The following RSPH10B variants were observed in gnomAD, a reference collection of about 807,000 sequenced individuals.
RSPH10B encodes the protein radial spoke head 10 homolog B (Chlamydomonas).
A neutral mutation model predicts 52.5 loss-of-function variants in RSPH10B; 7 were observed. The observed-to-expected ratio is 0.13, with a 90% confidence interval of 0.08 to 0.25. RSPH10B has a LOEUF of 0.25. RSPH10B is among the 10% of genes least tolerant of loss of function. The pLI is 1.00. For missense variants in RSPH10B, 89 were observed against 542.5 expected, an observed-to-expected ratio of 0.16 and a Z score of 8.30; for synonymous variants, 28 against 193.2, an observed-to-expected ratio of 0.14 and a Z score of 7.09.
At chr7:5,927,084 G>GTATA (rs1164900886) in intron 18 of RSPH10B, among the ~76,000 whole-genome samples, 14 of 106,582 alleles carry the variant, frequency 1.3e-4, no homozygotes, top group African/African-American at 2.3e-4. Context: ...GTGTGTGTGT[G>GTATA]TGTGTGTGTG....
At chr7:5,928,459 C>A (rs534960566) in intron 17 of RSPH10B, 65 bp from the exon 20 acceptor site, 2 of 1,581,268 alleles carry the variant, frequency 1.3e-6, no homozygotes, top group African/African-American at 2.7e-5. Flanking sequence ...GGTCTGCGTG[C>A]TTTTTCTCGT....
chr7:5,944,477 T>C (rs1780386652), intron 11 of RSPH10B, among the ~76,000 whole-genome samples: 2 of 149,990 alleles, frequency 1.3e-5, no homozygotes, highest in Admixed American at 6.7e-5. Flanking sequence ...CAAGAAATTC[T>C]GACATAAGAA....
chr7:5,931,269 A>G (rs1285890452), intron 17 of RSPH10B, among the ~76,000 whole-genome samples: 1 of 150,032 alleles, frequency 6.7e-6, no homozygotes, highest in Non-Finnish European at 1.5e-5. Context: ...TATGCAGCAC[A>G]TGTGTGCCGA....
At chr7:5,960,461 C>T (rs1286147224) in intron 4 of RSPH10B, among the ~76,000 whole-genome samples, 1 of 56,684 alleles carries the variant, frequency 1.8e-5, no homozygotes, top group East Asian at 3.0e-4. Flanking sequence ...ATGTGAATTT[C>T]GCCTCAATAA....
chr7:5,926,672 CTG>C lies in RSPH10B; in HGVS notation c.2433-126_2433-125del, dbSNP rs552573913. 5.0e-3 allele frequency: 2,902 copies of C among 583,956 alleles called. 6 individuals carry two copies. The highest frequency in any genetic ancestry group is 7.3e-3 in the Non-Finnish European group (2,429 of 332,058). The allele number at this position is 583,956 out of a possible 1,614,324, so 36.2% of individuals were successfully genotyped here. A position where few individuals can be genotyped will look rare whatever the true frequency, so the allele number is the denominator to read the frequency against. Reference sequence around the variant, plus strand: ...ATTTCAACAGCATGTGTAAACAAAACTGTAAGTTGCTACACTCTGCCTGAAAT... The same window carrying C: ...ATTTCAACAGCATGTGTAAACAAAACTAAGTTGCTACACTCTGCCTGAAAT... On this transcript the variant is annotated intron_variant, in intron 18 of 18. Transcript: ENST00000337579.
chr7:5,928,236 C>A (rs753835311), exon 18 of RSPH10B: 1 of 1,613,276 alleles, frequency 6.2e-7, no homozygotes, highest in Non-Finnish European at 8.5e-7. Context: ...CGCTGCTGGG[C>A]CTGTGCTGTG....
chr7:5,958,252 T>G lies in RSPH10B; in HGVS notation c.660-225A>C, dbSNP rs565972496. On this transcript the variant is annotated intron_variant, in intron 5 of 18. Coordinates refer to ENST00000337579, the Ensembl canonical transcript of RSPH10B. ...GGAGGATCACCTGAGGTTGGGAGTT[T>G]GAGACCAGCCTGACCAACATGGAGA... 2.0e-5 allele frequency among the ~76,000 whole-genome samples: 3 copies of G among 151,142 alleles called. No homozygotes were observed. The South Asian group carries it at 6.3e-4, about 32-fold the overall frequency.
rs1193817783 is a variant in RSPH10B, at chr7:5,932,842, CTCTT to C, written c.2169_2172del (p.Arg724SerfsTer4). On this transcript the variant is annotated frameshift_variant, in exon 17 of 19. Transcript: ENST00000337579. LOFTEE classifies it high-confidence loss of function. Reference sequence around the variant, plus strand: ...GTCAATTTAAAATTCATTTTGGAGACTCTTTCATGACTTACAGACTTCTTGATCT... The same window carrying C: ...GTCAATTTAAAATTCATTTTGGAGACTCATGACTTACAGACTTCTTGATCT... The C allele has an allele frequency of 1.2e-5, 5 of 416,958 alleles. No individual in the cohort carries two copies. Among genetic ancestry groups the C allele is most frequent in the African/African-American group, 1.0e-4 (3 of 29,892 alleles). The allele number at this position is 416,958 out of a possible 1,614,324, so 25.8% of individuals were successfully genotyped here. A position where few individuals can be genotyped will look rare whatever the true frequency, so the allele number is the denominator to read the frequency against.
intron 10 of RSPH10B, among the ~76,000 whole-genome samples, chr7:5,947,860 T>TGTG (rs1780493164): frequency 1.1e-5 from 1 of 90,776 alleles, no homozygotes; most frequent in African/African-American, 4.4e-5. Context: ...CCCCTGCCTT[T>TGTG]TGTGTGTGTG....
At position 5,928,503 on chromosome 7, in the gene RSPH10B, G is replaced by C. The variant is rs866743420; in HGVS notation, c.2234-109C>G. Reference sequence around the variant, plus strand: ...CCCTGGGGTGGGCCCCCTTCTCCTCGGCCAGGAGAGGGGAGAGGAGTAAGG... The same window carrying C: ...CCCTGGGGTGGGCCCCCTTCTCCTCCGCCAGGAGAGGGGAGAGGAGTAAGG... On this transcript the variant is annotated intron_variant, in intron 17 of 18. Coordinates refer to ENST00000337579, the Ensembl canonical transcript of RSPH10B. The C allele has an allele frequency of 2.8e-4, 431 of 1,523,050 alleles. 2 individuals are homozygous for C. The Middle Eastern group carries it at 5.9e-3, about 21-fold the overall frequency. 94.3% of individuals were successfully genotyped at this position (1,523,050 alleles called of 1,614,324 possible). A position where few individuals can be genotyped will look rare whatever the true frequency, so the allele number is the denominator to read the frequency against.
At chr7:5,929,398 G>T (rs1415050183) in intron 17 of RSPH10B, among the ~76,000 whole-genome samples, 1 of 109,432 alleles carries the variant, frequency 9.1e-6, no homozygotes, top group Non-Finnish European at 1.8e-5. Flanking sequence ...AAACTCCTGA[G>T]CTCTAGTAAT....
intron 18 of RSPH10B, among the ~76,000 whole-genome samples, chr7:5,927,807 A>G (rs1779581486): frequency 6.8e-6 from 1 of 146,204 alleles, no homozygotes; most frequent in African/African-American, 2.6e-5. Context: ...GTGGTGGTGC[A>G]TGCTTCTAAT....
intron 18 of RSPH10B, 28 bp from the exon 21 acceptor site, chr7:5,926,576 CTTT>C (rs760829298): frequency 6.3e-7 from 1 of 1,599,748 alleles, no homozygotes; most frequent in African/African-American, 1.3e-5. Flanking sequence ...AAGGTGGTAG[CTTT>C]TTTTATCCCC....
intron 18 of RSPH10B, among the ~76,000 whole-genome samples, chr7:5,926,776 CA>C (rs1195535519): frequency 5.8e-5 from 8 of 138,798 alleles, no homozygotes; most frequent in Admixed American, 7.4e-5. Context: ...TCGAGACAGA[CA>C]GAGTTTCGCT....
chr7:5,927,267 T>C (rs1324969853), intron 18 of RSPH10B, among the ~76,000 whole-genome samples: 197 of 97,968 alleles, frequency 2.0e-3, no homozygotes, highest in Non-Finnish European at 3.8e-3. Flanking sequence ...ATTTTTGTAT[T>C]TTTTGTAGAG....
intron 18 of RSPH10B, 200 bp downstream of exon 20, chr7:5,927,996 C>G (rs1461521600): frequency 1.3e-6 from 1 of 754,420 alleles, no homozygotes; most frequent in Non-Finnish European, 2.2e-6. Flanking sequence ...TCCCATTATC[C>G]CATTACTCAG....
intron 11 of RSPH10B, among the ~76,000 whole-genome samples, chr7:5,944,814 T>A (rs1370887718): frequency 6.9e-6 from 1 of 145,634 alleles, no homozygotes; most frequent in Non-Finnish European, 1.5e-5. Context: ...CAAAAAAAAA[T>A]TAGCCAGGCA....
At chr7:5,965,985 C>CA (rs1163660381) in intron 1 of RSPH10B, among the ~76,000 whole-genome samples, 3 of 99,826 alleles carry the variant, frequency 3.0e-5, no homozygotes, top group Non-Finnish European at 6.1e-5. Flanking sequence ...GGATGGAGTG[C>CA]AATGACGTGA....
At chr7:5,928,971 A>C (rs968372119) in intron 17 of RSPH10B, among the ~76,000 whole-genome samples, 7 of 145,896 alleles carry the variant, frequency 4.8e-5, no homozygotes, top group Admixed American at 4.1e-4. Flanking sequence ...CTGATACTTT[A>C]ATTTTCCATG....
Sources: allele counts gnomAD v4.1 joint callset (sites outside exome capture counted in the v4.1 genomes callset), GRCh38; gene constraint gnomAD v4.1.1; transcripts MANE v1.5; gene names NCBI Gene and HGNC (gene_info 2026-07-23, HGNC 2026-07-21).